KDM6A: variants seen among roughly 807,000 people sequenced by gnomAD.
KDM6A encodes lysine demethylase 6A, also known as lysine-specific demethylase 6A.
KDM6A carries 11 observed loss-of-function variants against 117.6 expected under a neutral mutation model. That is an observed-to-expected ratio of 0.09 (90% CI 0.06 to 0.15). KDM6A has a LOEUF of 0.15. KDM6A is among the 10% of genes least tolerant of loss of function. The probability of loss-of-function intolerance (pLI) is 1.00; values close to 1 mark genes in which losing one functional copy is unlikely to be tolerated. For synonymous variants in KDM6A, 384 were observed against 396.1 expected (o/e 0.97, Z 0.36); for missense variants, 799 against 1,077.3 (o/e 0.74, Z 3.62).
intron 4 of KDM6A, among the ~76,000 whole-genome samples, chrX:45,000,448 A>AGGG (rs1456828565): frequency 1.8e-5 from 2 of 111,073 alleles, no homozygotes; most frequent in Admixed American, 1.9e-4. Context: ...CCAGGGTGAA[A>AGGG]GGGGTTGATG....
At position 44,873,189 on chromosome X, in the gene KDM6A, C is replaced by A. The variant is rs1341918176; in HGVS notation, c.-363C>A. 4.2e-6 allele frequency: 1 copy of A among 235,320 alleles called. No homozygotes were observed. The highest frequency in any genetic ancestry group is 7.5e-6 in the Non-Finnish European group (1 of 132,981). The allele number at this position is 235,320 out of a possible 1,213,427, so 19.4% of individuals were successfully genotyped here. On this transcript the variant is annotated 5_prime_UTR_variant, in exon 1 of 30. Coordinates refer to ENST00000611820, the MANE Select transcript of KDM6A (RefSeq NM_001291415.2). ...TGGGGTTCGCTGTGTGACACAATTA[C>A]AACAACTTTGTGCTGGTGCCGGGGA...
At position 45,060,485 on chromosome X, in the gene KDM6A, A is replaced by G. The variant is rs1188016957; in HGVS notation, c.1330-124A>G. The G allele has an allele frequency of 1.2e-4, 69 of 562,987 alleles. 2 individuals are homozygous for G. The highest frequency in any genetic ancestry group is 1.1e-4 in the Non-Finnish European group (41 of 389,534). The allele number at this position is 562,987 out of a possible 1,213,427, so 46.4% of individuals were successfully genotyped here. ...ATGAATCATTTAATTTTGATTTTCAATCATTGCAATCAGCGATGTCCACAT... is the reference window on the plus strand; with the variant it reads ...ATGAATCATTTAATTTTGATTTTCAGTCATTGCAATCAGCGATGTCCACAT... On this transcript the variant is annotated intron_variant, in intron 13 of 29. Transcript: ENST00000611820.
chrX:44,971,641 CACAG>C (rs2039346887), intron 3 of KDM6A, among the ~76,000 whole-genome samples: 1 of 111,065 alleles, frequency 9.0e-6, no homozygotes, highest in South Asian at 3.8e-4. Flanking sequence ...GCTGCTCCAC[CACAG>C]ACAGAGGAGG....
In KDM6A at chrX:44,965,737, A is replaced by G. The variant is rs766775315; in HGVS notation, c.334+4345A>G. Among the ~76,000 whole-genome samples the G allele has an allele frequency of 8.9e-5, 10 of 112,351 alleles. No homozygotes were observed. The East Asian group carries it at 2.5e-3, about 28-fold the overall frequency. ...CAGATAACAATAATAATGAAAATGT[A>G]TGGAATATTGGTTTACCAAAATGTG... On this transcript the variant is annotated intron_variant, in intron 3 of 29. Coordinates refer to ENST00000611820, the MANE Select transcript of KDM6A (RefSeq NM_001291415.2).
chrX:45,041,987 C>T (rs1259802709), intron 8 of KDM6A, among the ~76,000 whole-genome samples: 3 of 108,998 alleles, frequency 2.8e-5, no homozygotes, highest in African/African-American at 1.0e-4. Context: ...AACGAGACTC[C>T]GTCTGCAATC....
intron 27 of KDM6A, among the ~76,000 whole-genome samples, chrX:45,092,871 T>C (rs761977235): frequency 9.0e-6 from 1 of 110,791 alleles, no homozygotes; most frequent in South Asian, 3.8e-4. Context: ...GAAGGCTAAA[T>C]TGGGAATAAC....
chrX:44,961,325 A>G lies in KDM6A; in HGVS notation c.267A>G (p.Gly89=). 8.3e-7 allele frequency: 1 copy of G among 1,205,279 alleles called. No homozygotes were observed. Among genetic ancestry groups the G allele is most frequent in the Non-Finnish European group, 1.1e-6 (1 of 890,521 alleles). The change falls in exon 3 of 30, where the codon GGA becomes GGG. Residue 89 remains glycine, a synonymous_variant. Transcript: ENST00000611820. ...AATCTCTAATCTTAAAAGCTGAAGG[A>G]AAAGTGGAGTCTGATTTCTTTTGTC... The part of the protein sequence containing the change: ...CYESLILKAE[G]KVESDFFCQL...
intron 4 of KDM6A, among the ~76,000 whole-genome samples, chrX:44,987,559 C>A (rs1163680358): frequency 3.6e-5 from 4 of 111,825 alleles, no homozygotes; most frequent in African/African-American, 1.3e-4. Flanking sequence ...TTGTTCCTTT[C>A]CATGTTCAGT....
chrX:45,089,384 G>A (rs1233078632), intron 25 of KDM6A, among the ~76,000 whole-genome samples: 1 of 110,335 alleles, frequency 9.1e-6, no homozygotes, highest in Non-Finnish European at 1.9e-5. Flanking sequence ...AAATTAGCCA[G>A]GCGTGGTGGC....
intron 5 of KDM6A, among the ~76,000 whole-genome samples, chrX:45,013,411 G>C (rs2147608870): frequency 8.9e-6 from 1 of 111,818 alleles, no homozygotes; most frequent in South Asian, 3.7e-4. Context: ...CAATTTGTAA[G>C]CCTCTCTGTG....
chrX:44,968,004 G>A (rs2039121918), intron 3 of KDM6A, among the ~76,000 whole-genome samples: 2 of 112,263 alleles, frequency 1.8e-5, no homozygotes. Context: ...TCAGTCTATT[G>A]TTGTAGGTTA....
intron 2 of KDM6A, among the ~76,000 whole-genome samples, chrX:44,885,127 G>T (rs2146545975): frequency 9.3e-6 from 1 of 107,975 alleles, no homozygotes; most frequent in Non-Finnish European, 1.9e-5. Flanking sequence ...TGACCTCCCA[G>T]GCTCAAGTGG....
chrX:45,105,926 C>G (rs1438805126), intron 27 of KDM6A, among the ~76,000 whole-genome samples: 1 of 112,073 alleles, frequency 8.9e-6, no homozygotes. Flanking sequence ...ACTGCACATG[C>G]AAGGCATCTG....
chrX:44,997,085 C>T lies in KDM6A; in HGVS notation c.385-13876C>T, dbSNP rs1391134762. On this transcript the variant is annotated intron_variant, in intron 4 of 29. Transcript: ENST00000611820. ...CTAGGGGTGAATGTTACAGCTGAAT[C>T]CCCAGTGGGCATGTGTTAGAGGGTG... Among the ~76,000 whole-genome samples, 4 of 111,455 alleles carry T rather than the reference C, an allele frequency of 3.6e-5. No homozygotes were observed. The East Asian group carries it at 1.1e-3, about 32-fold the overall frequency.
At chrX:44,999,174 T>C (rs915434550) in intron 4 of KDM6A, among the ~76,000 whole-genome samples, 1 of 111,968 alleles carries the variant, frequency 8.9e-6, no homozygotes, top group Non-Finnish European at 1.9e-5. Flanking sequence ...CATTGTTATA[T>C]GTAAAGTTTC....
chrX:45,068,038 A>G (rs947374234), intron 17 of KDM6A, among the ~76,000 whole-genome samples: 2 of 111,547 alleles, frequency 1.8e-5, no homozygotes, highest in African/African-American at 3.3e-5. Context: ...TCAGCTTCAG[A>G]AACTGATTTT....
intron 8 of KDM6A, among the ~76,000 whole-genome samples, chrX:45,040,172 G>C (rs1213758410): frequency 1.2e-5 from 1 of 82,195 alleles, no homozygotes; most frequent in Non-Finnish European, 2.4e-5. Context: ...GGACGGGGCG[G>C]CTGGCCAGGC....
intron 19 of KDM6A, among the ~76,000 whole-genome samples, 154 bp downstream of exon 19, chrX:45,076,980 G>C (rs2045154301): frequency 9.1e-6 from 1 of 110,457 alleles, no homozygotes; most frequent in Non-Finnish European, 1.9e-5. Context: ...ATATATTCAA[G>C]AAGATTTTGT....
intron 20 of KDM6A, 75 bp from the exon 21 acceptor site, chrX:45,079,071 T>TAA: frequency 1.9e-5 from 13 of 689,622 alleles, no homozygotes; most frequent in African/African-American, 2.3e-5. Flanking sequence ...CTTCTTCCTT[T>TAA]AAAAAAAAAA....
Sources: allele counts gnomAD v4.1 joint callset (sites outside exome capture counted in the v4.1 genomes callset), GRCh38; gene constraint gnomAD v4.1.1; transcripts MANE v1.5; gene names NCBI Gene and HGNC (gene_info 2026-07-23, HGNC 2026-07-21).